CR2: variants seen among roughly 807,000 people sequenced by gnomAD.
The protein encoded by CR2 is complement receptor type 2.
CR2 carries 96 observed loss-of-function variants against 123.0 expected under a neutral mutation model. The ratio of observed to expected loss-of-function variants is 0.78; its 90% confidence interval spans 0.66 to 0.93. The LOEUF is 0.93. CR2 is among the 40% of genes least tolerant of loss of function. The pLI is 0.00. For synonymous variants in CR2, 484 were observed against 469.5 expected, an observed-to-expected ratio of 1.03 and a Z score of -0.40; for missense variants, 1,258 against 1,361.0, an observed-to-expected ratio of 0.92 and a Z score of 1.19.
intron 1 of CR2, among the ~76,000 whole-genome samples, chr1:207,461,175 C>A (rs937836001): frequency 1.1e-4 from 17 of 152,012 alleles, no homozygotes; most frequent in African/African-American, 3.6e-4. Flanking sequence ...AATATCCGCT[C>A]CCCCTACCAC....
intron 12 of CR2, 130 bp downstream of exon 12, chr1:207,474,015 C>T: frequency 4.3e-6 from 4 of 920,306 alleles, no homozygotes; most frequent in Non-Finnish European, 6.9e-6. Flanking sequence ...ATATGAGGTT[C>T]CAATGGCCTA....
Position 207,469,251 on chromosome 1 carries a change from G to A in CR2, c.817+19G>A, listed in dbSNP as rs778859257. 1 of 1,593,242 alleles carries A rather than the reference G, an allele frequency of 6.3e-7. No homozygotes were observed. Among genetic ancestry groups the A allele is most frequent in the Non-Finnish European group, 8.6e-7 (1 of 1,161,064 alleles). The stretch of plus-strand genomic sequence containing the variant: ...TGTGAAGGTAGGCTAGGCAACTATG[G>A]TCTGACAGCACTGCATTCTCAGCTT... On this transcript the variant is annotated intron_variant, in intron 5 of 19. Transcript: ENST00000367057.
Position 207,474,241 on chromosome 1 carries a change from G to C in CR2, c.2241G>C (p.Gly747=). The C allele has an allele frequency of 6.2e-7, 1 of 1,609,346 alleles. No homozygotes were observed. Among genetic ancestry groups the C allele is most frequent in the South Asian group, 1.1e-5 (1 of 90,974 alleles). ...TGCATTATAATCTGTCTCTCTGTAG[G>C]TACCAGTTGACTGGACATGCTTATC... is the stretch of plus-strand genomic sequence containing the variant. The part of the protein sequence containing the change: ...VELVNTSCQD[G]YQLTGHAYQM... Residue 747 remains glycine, a splice_region_variant and synonymous_variant, in exon 13 of 20, where the codon GGG becomes GGC. Transcript: ENST00000367057.
rs1658836367 is a variant in CR2 at position 207,489,665 on chromosome 1, C to G, written c.*542C>G. ...TTACCCTTACTTGGTTTGAGTTTCT[C>G]TCACATTACTGTATATACTTTGCCT... is the stretch of plus-strand genomic sequence containing the variant. On this transcript the variant is annotated 3_prime_UTR_variant, in exon 20 of 20. Coordinates refer to ENST00000367057, the MANE Select transcript of CR2 (RefSeq NM_001006658.3). 1 of 152,130 alleles carries G rather than the reference C, an allele frequency of 6.6e-6. No individual in the cohort carries two copies. The highest frequency in any genetic ancestry group is 2.4e-5 in the African/African-American group (1 of 41,424). 9.4% of individuals were successfully genotyped at this position (152,130 alleles called of 1,614,324 possible).
At chr1:207,481,360 A>G (rs976203756) in intron 18 of CR2, among the ~76,000 whole-genome samples, 1 of 152,064 alleles carries the variant, frequency 6.6e-6, no homozygotes, top group Non-Finnish European at 1.5e-5. Context: ...GGCTTATGTC[A>G]GAGATATCTG....
intron 18 of CR2, among the ~76,000 whole-genome samples, chr1:207,483,165 G>A (rs1203082547): frequency 6.6e-6 from 1 of 152,160 alleles, no homozygotes; most frequent in East Asian, 1.9e-4. Context: ...TCCGAGTGGG[G>A]AGATGACCAA....
intron 15 of CR2, 84 bp downstream of exon 15, chr1:207,476,503 T>C: frequency 8.2e-7 from 1 of 1,216,786 alleles, no homozygotes; most frequent in African/African-American, 1.5e-5. Flanking sequence ...CAACTTAAAA[T>C]AGCCAAAGAA....
intron 19 of CR2, among the ~76,000 whole-genome samples, chr1:207,488,453 G>A (rs1206224616): frequency 5.3e-5 from 8 of 152,142 alleles, no homozygotes; most frequent in African/African-American, 1.7e-4. Context: ...GTGAAACCCC[G>A]TCTCTACTAA....
intron 1 of CR2, among the ~76,000 whole-genome samples, chr1:207,463,558 T>C (rs940416878): frequency 5.9e-5 from 9 of 152,150 alleles, no homozygotes; most frequent in Non-Finnish European, 1.2e-4. Flanking sequence ...ATAAATGATA[T>C]TCTATTCTCT....
At chr1:207,458,099 C>CACACACACACACACACA (rs1558186158) in intron 1 of CR2, among the ~76,000 whole-genome samples, 1 of 150,816 alleles carries the variant, frequency 6.6e-6, no homozygotes, top group Non-Finnish European at 1.5e-5. Flanking sequence ...CACACACACA[C>CACACACACACACACACA]TCCTTTTTCA....
At chr1:207,479,730 T>C (rs1658551991) in intron 17 of CR2, among the ~76,000 whole-genome samples, 2 of 152,212 alleles carry the variant, frequency 1.3e-5, no homozygotes. Context: ...ACAGAAAAAC[T>C]CAATGAAAAG....
intron 6 of CR2, 44 bp downstream of exon 6, chr1:207,470,146 TG>T: frequency 6.2e-7 from 1 of 1,610,336 alleles, no homozygotes; most frequent in Non-Finnish European, 8.5e-7. Context: ...GATTCGTTTC[TG>T]AAAAATTAGA....
intron 1 of CR2, among the ~76,000 whole-genome samples, chr1:207,465,890 T>C (rs1658086029): frequency 6.6e-6 from 1 of 152,230 alleles, no homozygotes; most frequent in Non-Finnish European, 1.5e-5. Flanking sequence ...TCACCTGTAC[T>C]GAGGCTCTAG....
chr1:207,478,756 G>C (rs183560067), intron 16 of CR2, among the ~76,000 whole-genome samples: 1 of 152,068 alleles, frequency 6.6e-6, no homozygotes, highest in African/African-American at 2.4e-5. Flanking sequence ...CAATTTGACA[G>C]GGAACTCCAG....
At chr1:207,480,092 C>A in intron 18 of CR2, 39 bp downstream of exon 18, 1 of 1,478,802 alleles carries the variant, frequency 6.8e-7, no homozygotes, top group East Asian at 2.3e-5. Context: ...CCAACATGCA[C>A]AAGTGGTTTC....
At chr1:207,469,266 A>G (rs1400295564) in intron 5 of CR2, 34 bp downstream of exon 5, 18 of 1,524,098 alleles carry the variant, frequency 1.2e-5, no homozygotes, top group Non-Finnish European at 1.5e-5. Flanking sequence ...ACAGCACTGC[A>G]TTCTCAGCTT....
intron 19 of CR2, among the ~76,000 whole-genome samples, chr1:207,486,023 G>C (rs942843957): frequency 2.6e-5 from 4 of 152,000 alleles, no homozygotes; most frequent in Admixed American, 6.6e-5. Flanking sequence ...TTGAGGTCAA[G>C]AGTTCGAGAC....
At chr1:207,478,554 A>C (rs1462824242) in intron 16 of CR2, among the ~76,000 whole-genome samples, 1 of 150,194 alleles carries the variant, frequency 6.7e-6, no homozygotes, top group Non-Finnish European at 1.5e-5. Context: ...AAAAGAAAGA[A>C]AGAAATTAAA....
intron 1 of CR2, among the ~76,000 whole-genome samples, chr1:207,461,078 G>A (rs1657952597): frequency 6.6e-6 from 1 of 151,842 alleles, no homozygotes; most frequent in Admixed American, 6.6e-5. Context: ...TTACCTTTTT[G>A]TCCCACAAAT....
Sources: gnomAD v4.1 joint callset for allele counts (sites outside exome capture counted in the v4.1 genomes callset) on GRCh38, gnomAD v4.1.1 for gene constraint, MANE v1.5 for transcripts, NCBI Gene and HGNC (gene_info 2026-07-23, HGNC 2026-07-21) for gene names.